UTP23: variants seen among roughly 807,000 people sequenced by gnomAD.
UTP23 encodes the protein UTP23 small subunit processome component.
In UTP23, 10 loss-of-function variants were observed where a neutral mutation model predicts 19.8. The observed-to-expected ratio is 0.50, with a 90% confidence interval of 0.31 to 0.86. The LOEUF is 0.86. UTP23 is among the 40% of genes least tolerant of loss of function. The pLI, the probability that UTP23 is intolerant of heterozygous loss-of-function variation, is 0.05. For synonymous variants in UTP23, 108 were observed against 105.4 expected (o/e 1.02, Z -0.15); for missense variants, 282 against 293.1 (o/e 0.96, Z 0.28).
In UTP23 at chr8:116,774,662, A is replaced by G; in HGVS notation, c.*2820A>G. On this transcript the variant is annotated 3_prime_UTR_variant, in exon 3 of 3. Transcript: ENST00000309822. ...AGTCATTGATGTATTTTGCCGGTAA[A>G]ATTAAAAGATATTTTAACAAAAGTC... 1 of 829,362 alleles carries G rather than the reference A, an allele frequency of 1.2e-6. No individual in the cohort carries two copies. The highest frequency in any genetic ancestry group is 1.5e-6 in the Non-Finnish European group (1 of 689,196). The allele number at this position is 829,362 out of a possible 1,614,324, so 51.4% of individuals were successfully genotyped here.
intron 1 of UTP23, among the ~76,000 whole-genome samples, chr8:116,769,298 G>A (rs1815622017): frequency 6.6e-6 from 1 of 152,180 alleles, no homozygotes; most frequent in Non-Finnish European, 1.5e-5. Context: ...GGAAAGGCAG[G>A]AACCCAAGGG....
intron 1 of UTP23, among the ~76,000 whole-genome samples, chr8:116,768,500 C>G (rs1463497323): frequency 6.6e-6 from 1 of 152,082 alleles, no homozygotes; most frequent in Non-Finnish European, 1.5e-5. Flanking sequence ...ATTAACATGG[C>G]CAATCTTGTT....
In UTP23 at chr8:116,771,487, A is replaced by G. The variant is rs1563668305; in HGVS notation, c.395A>G (p.Lys132Arg). 6.6e-7 allele frequency: 1 copy of G among 1,506,214 alleles called. No individual in the cohort carries two copies. Among genetic ancestry groups the G allele is most frequent in the Non-Finnish European group, 8.8e-7 (1 of 1,130,974 alleles). The allele number at this position is 1,506,214 out of a possible 1,614,324, so 93.3% of individuals were successfully genotyped here. The change falls in exon 3 of 3, where the codon AAG (lysine) becomes AGG (arginine). Residue 132 changes from lysine (K) to arginine (R), a missense_variant. Transcript: ENST00000309822. ...AATTTGTCTGTGAAAGTAAAAAAGA[A>G]GCCTGGAGTTCCTCTCATGTTTATT... ...DQNLSVKVKK[K>R]PGVPLMFIIQ...
Position 116,772,464 on chromosome 8 carries a change from T to C in UTP23, c.*622T>C. Reference sequence around the variant, plus strand: ...CCAAATTGTATGATTATACCGCTACTTTTTGATACATCAATTATTTATTGA... The same window carrying C: ...CCAAATTGTATGATTATACCGCTACCTTTTGATACATCAATTATTTATTGA... On this transcript the variant is annotated 3_prime_UTR_variant, in exon 3 of 3. Transcript: ENST00000309822. 1 of 962,226 alleles carries C rather than the reference T, an allele frequency of 1.0e-6. No individual in the cohort carries two copies. Among genetic ancestry groups the C allele is most frequent in the Non-Finnish European group, 1.2e-6 (1 of 808,868 alleles). The allele number at this position is 962,226 out of a possible 1,614,324, so 59.6% of individuals were successfully genotyped here.
Position 116,772,960 on chromosome 8 carries a change from T to G in UTP23, c.*1118T>G. 1.0e-6 allele frequency: 1 copy of G among 985,422 alleles called. No individual in the cohort carries two copies. Among genetic ancestry groups the G allele is most frequent in the Non-Finnish European group, 1.2e-6 (1 of 829,900 alleles). 61.0% of individuals were successfully genotyped at this position (985,422 alleles called of 1,614,324 possible). A position where few individuals can be genotyped will look rare whatever the true frequency, so the allele number is the denominator to read the frequency against. On this transcript the variant is annotated 3_prime_UTR_variant, in exon 3 of 3. Coordinates refer to ENST00000309822, the MANE Select transcript of UTP23 (RefSeq NM_032334.3). ...TCTGGAGCCACACTAGAGCAGTGAT[T>G]CTCAGTCTAACATTAGGTTATCATG...
intron 2 of UTP23, 81 bp from the exon 3 acceptor site, chr8:116,771,369 CTTTTAT>C (rs1815648105): frequency 8.7e-7 from 1 of 1,145,758 alleles, no homozygotes; most frequent in Non-Finnish European, 1.2e-6. Context: ...TCTGTGATCT[CTTTTAT>C]TTTTAATACA....
rs1815684127 is a variant in UTP23 at position 116,773,371 on chromosome 8, A to G, written c.*1529A>G. ...TCATTTCAATATGCTAAAATACATT[A>G]AATTTAGGTATTACTCTTAATCTAT... is the stretch of plus-strand genomic sequence containing the variant. On this transcript the variant is annotated 3_prime_UTR_variant, in exon 3 of 3. Coordinates refer to ENST00000309822, the MANE Select transcript of UTP23 (RefSeq NM_032334.3). 1.0e-6 allele frequency: 1 copy of G among 976,722 alleles called. No homozygotes were observed. The highest frequency in any genetic ancestry group is 4.7e-5 in the South Asian group (1 of 21,098). 60.5% of individuals were successfully genotyped at this position (976,722 alleles called of 1,614,324 possible).
At position 116,773,757 on chromosome 8, in the gene UTP23, C is replaced by T. The variant is rs1413037572; in HGVS notation, c.*1915C>T. The T allele has an allele frequency of 2.3e-6, 1 of 432,758 alleles. No individual in the cohort carries two copies. Among genetic ancestry groups the T allele is most frequent in the Non-Finnish European group, 3.1e-6 (1 of 325,220 alleles). 26.8% of individuals were successfully genotyped at this position (432,758 alleles called of 1,614,324 possible). On this transcript the variant is annotated 3_prime_UTR_variant, in exon 3 of 3. Transcript: ENST00000309822. ...CCCAGGAGGCGGAGGTTGCAGTGAG[C>T]CAAGATCATGCCACTGCACTCCAGC...
Position 116,772,919 on chromosome 8 carries a change from T to A in UTP23, c.*1077T>A. ...TGGACAAGTGAAATCGTATCAGTAGTTCCTGACTGACAGCTTCTGGAGCCA... is the reference window on the plus strand; with the variant it reads ...TGGACAAGTGAAATCGTATCAGTAGATCCTGACTGACAGCTTCTGGAGCCA... On this transcript the variant is annotated 3_prime_UTR_variant, in exon 3 of 3. Transcript: ENST00000309822. 1.0e-6 allele frequency: 1 copy of A among 985,444 alleles called. No homozygotes were observed. Among genetic ancestry groups the A allele is most frequent in the Non-Finnish European group, 1.2e-6 (1 of 829,928 alleles). 61.0% of individuals were successfully genotyped at this position (985,444 alleles called of 1,614,324 possible).
Position 116,773,344 on chromosome 8 carries a change from A to G in UTP23, c.*1502A>G. The G allele has an allele frequency of 1.0e-6, 1 of 979,644 alleles. No individual in the cohort carries two copies. Among genetic ancestry groups the G allele is most frequent in the Non-Finnish European group, 1.2e-6 (1 of 824,714 alleles). The allele number at this position is 979,644 out of a possible 1,614,324, so 60.7% of individuals were successfully genotyped here. ...GATAAATGAAATATACACTGATGAT[A>G]CTCATTTCAATATGCTAAAATACAT... On this transcript the variant is annotated 3_prime_UTR_variant, in exon 3 of 3. Coordinates refer to ENST00000309822, the MANE Select transcript of UTP23 (RefSeq NM_032334.3).
intron 1 of UTP23, among the ~76,000 whole-genome samples, chr8:116,767,312 T>C (rs1275498594): frequency 6.6e-6 from 1 of 152,204 alleles, no homozygotes; most frequent in African/African-American, 2.4e-5. Flanking sequence ...ATCTTTGATG[T>C]CCAGGGCAAA....
intron 1 of UTP23, among the ~76,000 whole-genome samples, chr8:116,769,338 T>G (rs532388395): frequency 8.5e-5 from 13 of 152,156 alleles, no homozygotes; most frequent in Non-Finnish European, 1.5e-4. Context: ...GTTACTGAGA[T>G]AGATAGGTTG....
chr8:116,771,724 A>G lies in UTP23; in HGVS notation c.632A>G (p.Lys211Arg), dbSNP rs1479137416. ...GPNPLSCLKKKKKAPDTQSSA... is the reference protein window; with the variant it reads ...GPNPLSCLKKRKKAPDTQSSA... ...AATCCTCTTAGTTGTTTGAAGAAAA[A>G]GAAAAAGGCACCGGACACACAATCA... Residue 211 changes from lysine (K) to arginine (R), a missense_variant, in exon 3 of 3, where the codon AAG (lysine) becomes AGG (arginine). By Grantham distance (26) the Lys-to-Arg change is conservative. Coordinates refer to ENST00000309822, the MANE Select transcript of UTP23 (RefSeq NM_032334.3). 1.9e-6 allele frequency: 3 copies of G among 1,612,930 alleles called. No homozygotes were observed.
chr8:116,770,393 A>G (rs971882426), intron 2 of UTP23, 27 bp downstream of exon 2: 10 of 1,570,484 alleles, frequency 6.4e-6, no homozygotes, highest in East Asian at 2.3e-5. Flanking sequence ...AACCACAGGC[A>G]ATTTTCACCA....
chr8:116,772,025 T>A lies in UTP23; in HGVS notation c.*183T>A. ...TGGCAAAACCCCATCTCTACTAAAA[T>A]ACAAAAATTAGCTGGGCATGATGGT... On this transcript the variant is annotated 3_prime_UTR_variant, in exon 3 of 3. Transcript: ENST00000309822. 1 of 1,273,032 alleles carries A rather than the reference T, an allele frequency of 7.9e-7. No homozygotes were observed. Among genetic ancestry groups the A allele is most frequent in the Non-Finnish European group, 9.9e-7 (1 of 1,009,802 alleles). 78.9% of individuals were successfully genotyped at this position (1,273,032 alleles called of 1,614,324 possible).
In UTP23 at chr8:116,772,003, CA is replaced by C. The variant is rs1815663458; in HGVS notation, c.*165del. ...ACAGTGACCAGTCTAGCCAGCATGG[CA>C]AAACCCCATCTCTACTAAAATACAA... On this transcript the variant is annotated 3_prime_UTR_variant, in exon 3 of 3. Coordinates refer to ENST00000309822, the MANE Select transcript of UTP23 (RefSeq NM_032334.3). The C allele has an allele frequency of 7.5e-7, 1 of 1,327,700 alleles. No homozygotes were observed. Among genetic ancestry groups the C allele is most frequent in the Non-Finnish European group, 9.6e-7 (1 of 1,043,898 alleles). The allele number at this position is 1,327,700 out of a possible 1,614,324, so 82.2% of individuals were successfully genotyped here.
At chr8:116,771,343 C>A in intron 2 of UTP23, 113 bp from the exon 3 acceptor site, 1 of 902,260 alleles carries the variant, frequency 1.1e-6, no homozygotes, top group Non-Finnish European at 1.5e-6. Flanking sequence ...GAGGCTTACT[C>A]ATTTGAAAAA....
chr8:116,772,284 T>A lies in UTP23; in HGVS notation c.*442T>A, dbSNP rs528662244. 9.9e-5 allele frequency: 98 copies of A among 985,854 alleles called. No individual in the cohort carries two copies. The African/African-American group carries it at 1.0e-3, about 10-fold the overall frequency. The allele number at this position is 985,854 out of a possible 1,614,324, so 61.1% of individuals were successfully genotyped here. Reference sequence around the variant, plus strand: ...TTTCTCCAGGTAAAATTGTCGCCTCTCTGGTCCCATTCCCACCTTCAAACA... The same window carrying A: ...TTTCTCCAGGTAAAATTGTCGCCTCACTGGTCCCATTCCCACCTTCAAACA... On this transcript the variant is annotated 3_prime_UTR_variant, in exon 3 of 3. Coordinates refer to ENST00000309822, the MANE Select transcript of UTP23 (RefSeq NM_032334.3).
intron 1 of UTP23, among the ~76,000 whole-genome samples, chr8:116,768,760 G>A (rs552927358): frequency 6.6e-6 from 1 of 152,136 alleles, no homozygotes; most frequent in Non-Finnish European, 1.5e-5. Context: ...CGCCTCCCGG[G>A]TTCAAGTGAT....
Sources: allele counts gnomAD v4.1 joint callset (sites outside exome capture counted in the v4.1 genomes callset), GRCh38; gene constraint gnomAD v4.1.1; transcripts MANE v1.5; gene names NCBI Gene and HGNC (gene_info 2026-07-23, HGNC 2026-07-21).